Variants in ZSWIM5 observed in about 807,000 individuals in gnomAD.
ZSWIM5 encodes zinc finger SWIM-type containing 5.
ZSWIM5 carries 55 observed loss-of-function variants against 119.6 expected under a neutral mutation model. That is an observed-to-expected ratio of 0.46 (90% CI 0.37 to 0.58). The LOEUF (loss-of-function observed/expected upper bound fraction) is 0.58. Ranked by LOEUF, ZSWIM5 falls within the 20% of genes least tolerant of loss-of-function variation. The pLI is 0.00. For synonymous variants in ZSWIM5, 537 were observed against 606.9 expected (o/e 0.88, Z 1.69); for missense variants, 1,193 against 1,512.8 (o/e 0.79, Z 3.51).
chr1:45,034,417 G>A lies in ZSWIM5; in HGVS notation c.2344C>T (p.His782Tyr). ...CGGCTGGGCACCACAGACACCATATGGTGAGGGTGGGATGTGTCGCCTGCA... is the reference window on the plus strand; with the variant it reads ...CGGCTGGGCACCACAGACACCATATAGTGAGGGTGGGATGTGTCGCCTGCA... The part of the protein sequence containing the change: ...ASAGDTSHPH[H>Y]MVSVVPSRYP... Residue 782 changes from histidine to tyrosine, a missense_variant, in exon 11 of 14, where the codon CAT becomes TAT. By Grantham distance (83) the His-to-Tyr change is moderately conservative (BLOSUM62 2). This residue lies in a region of ZSWIM5 where 961 missense variants were observed against 1,290.0 expected (regional missense o/e 0.74). Transcript: ENST00000359600. 1 of 1,613,856 alleles carries A rather than the reference G, an allele frequency of 6.2e-7. No individual in the cohort carries two copies. Among genetic ancestry groups the A allele is most frequent in the Non-Finnish European group, 8.5e-7 (1 of 1,179,892 alleles).
At chr1:45,082,698 T>C (rs1344592712) in intron 2 of ZSWIM5, among the ~76,000 whole-genome samples, 1 of 152,244 alleles carries the variant, frequency 6.6e-6, no homozygotes, top group Non-Finnish European at 1.5e-5. Flanking sequence ...TAAACATGTA[T>C]ACAGAAGTAG....
At chr1:45,045,392 G>A (rs1557746901) in intron 5 of ZSWIM5, among the ~76,000 whole-genome samples, 1 of 152,056 alleles carries the variant, frequency 6.6e-6, no homozygotes, top group Non-Finnish European at 1.5e-5. Context: ...AATTATGAGG[G>A]AATGTCAGAG....
Position 45,191,240 on chromosome 1 carries a change from C to T in ZSWIM5, c.595+14516G>A, listed in dbSNP as rs543858601. ...GAGCCACCGCGCCCGGCCGAAATAG[C>T]TGGAGCTTTACGCTCCTACCTTGCT... On this transcript the variant is annotated intron_variant, in intron 1 of 13. Coordinates refer to ENST00000359600, the MANE Select transcript of ZSWIM5 (RefSeq NM_020883.2). 5.3e-5 allele frequency among the ~76,000 whole-genome samples: 8 copies of T among 152,194 alleles called. No individual in the cohort carries two copies. The East Asian group carries it at 1.5e-3, about 29-fold the overall frequency.
intron 1 of ZSWIM5, 105 bp downstream of exon 1, chr1:45,205,651 G>A (rs1646183364): frequency 1.6e-6 from 2 of 1,235,448 alleles, no homozygotes; most frequent in Non-Finnish European, 2.1e-6. Context: ...CAGGGGTACA[G>A]GAGTTGGGCA....
chr1:45,163,871 A>G (rs1305781344), intron 1 of ZSWIM5, among the ~76,000 whole-genome samples: 1 of 152,240 alleles, frequency 6.6e-6, no homozygotes, highest in Non-Finnish European at 1.5e-5. Flanking sequence ...GACAGGGAGA[A>G]TGGAACCAAG....
At chr1:45,035,918 T>G in intron 9 of ZSWIM5, 95 bp from the exon 10 acceptor site, 2 of 1,578,756 alleles carry the variant, frequency 1.3e-6, no homozygotes, top group South Asian at 2.3e-5. Context: ...TTGCTAATCA[T>G]GGGAACCTTC....
chr1:45,115,102 T>C (rs1166223886), intron 1 of ZSWIM5, among the ~76,000 whole-genome samples: 1 of 152,216 alleles, frequency 6.6e-6, no homozygotes, highest in African/African-American at 2.4e-5. Flanking sequence ...ATTTCCCCCT[T>C]TTCTATTCAA....
intron 11 of ZSWIM5, among the ~76,000 whole-genome samples, chr1:45,025,204 A>G (rs1644914437): frequency 6.6e-6 from 1 of 152,184 alleles, no homozygotes; most frequent in African/African-American, 2.4e-5. Flanking sequence ...CAGTTTTTCA[A>G]CAGTACCACA....
In ZSWIM5 at chr1:45,203,556, T is replaced by C. The variant is rs114900482; in HGVS notation, c.595+2200A>G. Among the ~76,000 whole-genome samples, 703 of 152,190 alleles carry C rather than the reference T, an allele frequency of 4.6e-3. 8 individuals are homozygous for C. The highest frequency in any genetic ancestry group is 0.016 in the African/African-American group (659 of 41,578). Reference sequence around the variant, plus strand: ...TTAATTAGCATCACTTAGTAATTAATTGAGTTTGAAGTGCAGTTATAAACT... The same window carrying C: ...TTAATTAGCATCACTTAGTAATTAACTGAGTTTGAAGTGCAGTTATAAACT... On this transcript the variant is annotated intron_variant, in intron 1 of 13. Coordinates refer to ENST00000359600, the MANE Select transcript of ZSWIM5 (RefSeq NM_020883.2).
Position 45,206,266 on chromosome 1 carries a change from G to T in ZSWIM5, c.85C>A (p.Gln29Lys). 6.3e-7 allele frequency: 1 copy of T among 1,582,404 alleles called. No homozygotes were observed. Among genetic ancestry groups the T allele is most frequent in the Non-Finnish European group, 8.6e-7 (1 of 1,165,704 alleles). ...AKRQCSWPSP[Q>K]AHHPRGSPGA... ...GGCGAACCGCGAGGGTGATGAGCCT[G>T]CGGGCTGGGCCACGAACACTGCCGC... Residue 29 changes from glutamine to lysine, a missense_variant, in exon 1 of 14, where the codon CAG becomes AAG. By Grantham distance (53) the Gln-to-Lys change is moderately conservative. Around this residue, in one of 2 missense-constraint regions of ZSWIM5, gnomAD observed 232 missense variants for 222.9 expected, o/e 1.04. Transcript: ENST00000359600.
intron 1 of ZSWIM5, among the ~76,000 whole-genome samples, chr1:45,180,749 G>A (rs1056731916): frequency 6.6e-6 from 1 of 152,056 alleles, no homozygotes; most frequent in Non-Finnish European, 1.5e-5. Context: ...CCAGAGGAAC[G>A]ATCAGACAGC....
In ZSWIM5 at chr1:45,165,626, A is replaced by G. The variant is rs189942823; in HGVS notation, c.595+40130T>C. On this transcript the variant is annotated intron_variant, in intron 1 of 13. Transcript: ENST00000359600. ...TCAAATAGATGCAATAAAAAATGATAAAGGGGTTATCACCACCGATCCCAC... is the reference window on the plus strand; with the variant it reads ...TCAAATAGATGCAATAAAAAATGATGAAGGGGTTATCACCACCGATCCCAC... Among the ~76,000 whole-genome samples, 1,017 of 152,248 alleles carry G rather than the reference A, an allele frequency of 6.7e-3. 10 individuals carry two copies. The highest frequency in any genetic ancestry group is 0.022 in the African/African-American group (908 of 41,568).
intron 1 of ZSWIM5, among the ~76,000 whole-genome samples, chr1:45,117,062 C>G (rs575370367): frequency 6.6e-6 from 1 of 152,248 alleles, no homozygotes; most frequent in East Asian, 1.9e-4. Flanking sequence ...CAGGAACCTA[C>G]ACAGAAGGCA....
chr1:45,028,260 T>C (rs1362974205), intron 11 of ZSWIM5, among the ~76,000 whole-genome samples: 1 of 152,240 alleles, frequency 6.6e-6, no homozygotes, highest in African/African-American at 2.4e-5. Context: ...TTTGATGTCA[T>C]AGCTAAGAAT....
chr1:45,132,867 G>GT (rs1645666506), intron 1 of ZSWIM5, among the ~76,000 whole-genome samples: 1 of 151,992 alleles, frequency 6.6e-6, no homozygotes, highest in African/African-American at 2.4e-5. Flanking sequence ...GTGGTGTTTG[G>GT]TTTTTTTGTC....
chr1:45,194,405 C>G (rs557677687), intron 1 of ZSWIM5, among the ~76,000 whole-genome samples: 1 of 151,998 alleles, frequency 6.6e-6, no homozygotes, highest in African/African-American at 2.4e-5. Context: ...TAAGGATTAT[C>G]TGAAGATAAC....
At chr1:45,101,267 G>T (rs1426855990) in intron 1 of ZSWIM5, among the ~76,000 whole-genome samples, 7 of 152,210 alleles carry the variant, frequency 4.6e-5, no homozygotes, top group African/African-American at 1.7e-4. Flanking sequence ...GAGACATTTA[G>T]GCAGCCAACA....
At chr1:45,023,223 G>A (rs1208166116) in intron 11 of ZSWIM5, among the ~76,000 whole-genome samples, 1 of 152,148 alleles carries the variant, frequency 6.6e-6, no homozygotes, top group Admixed American at 6.5e-5. Context: ...AATCTCCTGT[G>A]TTCTATCTGT....
intron 5 of ZSWIM5, 68 bp from the exon 6 acceptor site, chr1:45,043,463 T>C: frequency 6.6e-7 from 1 of 1,513,148 alleles, no homozygotes; most frequent in Non-Finnish European, 9.1e-7. Context: ...TGGGTCTTCT[T>C]CAGGGTGGGA....
Sources: allele counts gnomAD v4.1 joint callset (sites outside exome capture counted in the v4.1 genomes callset), GRCh38; gene constraint gnomAD v4.1.1; regional missense constraint gnomAD v4.1.1; transcripts MANE v1.5; gene names NCBI Gene and HGNC (gene_info 2026-07-23, HGNC 2026-07-21).